Variants in ABCC12 observed in about 807,000 individuals in gnomAD.
ABCC12 encodes the protein ATP-binding cassette sub-family C member 12.
ABCC12 carries 142 observed loss-of-function variants against 151.1 expected under a neutral mutation model. That is an observed-to-expected ratio of 0.94 (90% confidence interval 0.82 to 1.08). The LOEUF (loss-of-function observed/expected upper bound fraction) is 1.08, where lower values mean the gene tolerates loss of function less well. ABCC12 is among the 50% of genes least tolerant of loss of function. ABCC12 has a pLI of 0.00. For synonymous variants in ABCC12, 645 were observed against 646.4 expected (o/e 1.00, Z 0.03); for missense variants, 1,638 against 1,691.1 (o/e 0.97, Z 0.55).
intron 24 of ABCC12, among the ~76,000 whole-genome samples, chr16:48,096,453 G>T (rs1280905840): frequency 2.0e-5 from 3 of 152,210 alleles, no homozygotes; most frequent in African/African-American, 7.2e-5. Context: ...TGCCTCCGTG[G>T]CTGGGCCAGG....
At chr16:48,153,085 A>C (rs1009307707) in intron 2 of ABCC12, among the ~76,000 whole-genome samples, 1 of 152,178 alleles carries the variant, frequency 6.6e-6, no homozygotes, top group Non-Finnish European at 1.5e-5. Flanking sequence ...CTTTTTAATA[A>C]ATTTTCACTC....
chr16:48,130,413 C>T (rs947997313), intron 10 of ABCC12, among the ~76,000 whole-genome samples: 22 of 152,154 alleles, frequency 1.4e-4, no homozygotes, highest in Non-Finnish European at 3.2e-4. Context: ...GTAGGGACCC[C>T]AACATCCTCT....
intron 17 of ABCC12, 30 bp from the exon 18 acceptor site, chr16:48,111,537 T>C (rs371499979): frequency 3.1e-6 from 5 of 1,614,046 alleles, no homozygotes; most frequent in Non-Finnish European, 4.2e-6. Context: ...GAGATCTGTG[T>C]CCATTCAAGC....
At chr16:48,142,707 C>G (rs1197583186) in intron 4 of ABCC12, among the ~76,000 whole-genome samples, 1 of 152,154 alleles carries the variant, frequency 6.6e-6, no homozygotes, top group Non-Finnish European at 1.5e-5. Context: ...AATGCAGCTG[C>G]TGGAAAAAAT....
chr16:48,098,358 T>TA (rs1963182490), intron 23 of ABCC12, among the ~76,000 whole-genome samples: 1 of 152,086 alleles, frequency 6.6e-6, no homozygotes, highest in African/African-American at 2.4e-5. Context: ...CTTAAAGCCC[T>TA]AAGGAGGTAC....
intron 25 of ABCC12, 109 bp from the exon 26 acceptor site, chr16:48,088,843 T>C: frequency 1.1e-6 from 1 of 943,158 alleles, no homozygotes; most frequent in Admixed American, 3.2e-5. Flanking sequence ...TTCATGGTGG[T>C]GAAATAAACC....
At position 48,143,918 on chromosome 16, in the gene ABCC12, A is replaced by G. The variant is rs1432407632; in HGVS notation, c.267T>C (p.Asn89=). 5 of 1,613,338 alleles carry G rather than the reference A, an allele frequency of 3.1e-6. No homozygotes were observed. The highest frequency in any genetic ancestry group is 4.2e-6 in the Non-Finnish European group (5 of 1,179,542). ...PLSTYDSSDT[N]AKRFRVLWDE... ...CAAGCAAATCCTGGTACCTTTTGGC[A>G]TTGGTGTCAGATGAGTCATATGTCG... is the stretch of plus-strand genomic sequence containing the variant. The change falls in exon 4 of 31, where the codon AAT becomes AAC. Residue 89 remains asparagine (N), a synonymous_variant. Coordinates refer to ENST00000311303, the MANE Select transcript of ABCC12 (RefSeq NM_001393797.1).
At chr16:48,088,479 C>T in intron 26 of ABCC12, 66 bp downstream of exon 26, 1 of 1,533,698 alleles carries the variant, frequency 6.5e-7, no homozygotes, top group South Asian at 1.2e-5. Flanking sequence ...TGTGACTTAA[C>T]TAGGACATCC....
intron 23 of ABCC12, among the ~76,000 whole-genome samples, chr16:48,099,014 G>A (rs542106057): frequency 7.7e-4 from 118 of 152,320 alleles, no homozygotes; most frequent in Non-Finnish European, 1.0e-3. Flanking sequence ...ACTAGGGTCC[G>A]GACTAGGTGC....
rs1962468110 is a variant in ABCC12 at position 48,083,989 on chromosome 16, C to T, written c.3913G>A (p.Gly1305Ser). The T allele has an allele frequency of 1.9e-6, 3 of 1,612,876 alleles. No homozygotes were observed. Among genetic ancestry groups the T allele is most frequent in the Non-Finnish European group, 2.5e-6 (3 of 1,179,730 alleles). Reference protein sequence around the residue: ...VQNTIKDAFKGCTVLTIAHRL... With the variant: ...VQNTIKDAFKSCTVLTIAHRL... ...TGGGCGATGGTCAGCACAGTGCAGC[C>T]CTTGAAGGCATCTTTGATGGTGTTC... is the stretch of plus-strand genomic sequence containing the variant. Residue 1305 changes from glycine to serine, a missense_variant, in exon 30 of 31, where the codon GGC becomes AGC. Transcript: ENST00000311303.
At chr16:48,119,615 G>A (rs1005391217) in intron 13 of ABCC12, among the ~76,000 whole-genome samples, 1 of 152,262 alleles carries the variant, frequency 6.6e-6, no homozygotes, top group Non-Finnish European at 1.5e-5. Flanking sequence ...GGCCGGGGAA[G>A]AGGAGGTGAA....
intron 12 of ABCC12, among the ~76,000 whole-genome samples, chr16:48,122,842 G>A (rs543550515): frequency 6.6e-6 from 1 of 152,330 alleles, no homozygotes; most frequent in African/African-American, 2.4e-5. Flanking sequence ...TTATCCTATA[G>A]CCAACTATTG....
chr16:48,111,732 G>C (rs1194673867), intron 16 of ABCC12, 44 bp downstream of exon 16: 1 of 1,613,958 alleles, frequency 6.2e-7, no homozygotes, highest in Non-Finnish European at 8.5e-7. Flanking sequence ...AATCCTGAGG[G>C]ATTCCGCCCC....
chr16:48,106,536 G>T (rs973232556), intron 20 of ABCC12, among the ~76,000 whole-genome samples: 1 of 152,192 alleles, frequency 6.6e-6, no homozygotes, highest in African/African-American at 2.4e-5. Context: ...CGTGAGTGAG[G>T]GGGGATCTGG....
intron 10 of ABCC12, among the ~76,000 whole-genome samples, chr16:48,130,053 G>A (rs1352447230): frequency 6.6e-6 from 1 of 152,186 alleles, no homozygotes; most frequent in Non-Finnish European, 1.5e-5. Context: ...CATGAATCAG[G>A]ATGCTTACGA....
rs1364732873 is a variant in ABCC12, at chr16:48,140,694, A to G, written c.650T>C (p.Val217Ala). Residue 217 changes from valine to alanine, a missense_variant, in exon 6 of 31, where the codon GTT becomes GCT. Physicochemically the swap from Val to Ala is moderately conservative, Grantham distance 64. Coordinates refer to ENST00000311303, the MANE Select transcript of ABCC12 (RefSeq NM_001393797.1). ...TCCTCTGAGCCAGCTTACCTCGCCA[A>G]CAGAGATGTGGGTCAATGTCTTGAA... Reference protein sequence around the residue: ...VSFKTLTHISVGEVLNILSSD... With the variant: ...VSFKTLTHISAGEVLNILSSD... 6.2e-7 allele frequency: 1 copy of G among 1,613,974 alleles called. No homozygotes were observed.
chr16:48,111,307 A>C (rs1963677281), intron 18 of ABCC12, 129 bp downstream of exon 18: 1 of 1,092,728 alleles, frequency 9.2e-7, no homozygotes, highest in Admixed American at 2.2e-5. Context: ...CAAGGCACAC[A>C]GTACCCTAGA....
rs769142462 is a variant in ABCC12 at position 48,088,040 on chromosome 16, G to A, written c.3521C>T (p.Ala1174Val). The A allele has an allele frequency of 6.2e-7, 1 of 1,614,204 alleles. No individual in the cohort carries two copies. Among genetic ancestry groups the A allele is most frequent in the Admixed American group, 1.7e-5 (1 of 60,032 alleles). The change falls in exon 27 of 31, where the codon GCC becomes GTC. Residue 1174 changes from alanine to valine, a missense_variant. Transcript: ENST00000311303. ...GMALFRLVEP[A>V]SGTIFIDEVD... ...CTCATCAATAAAGATTGTGCCACTG[G>A]CTGGCTCCACCAGACGAAACAAAGC...
chr16:48,146,200 G>A (rs942165111), intron 3 of ABCC12, 106 bp downstream of exon 3: 20 of 970,752 alleles, frequency 2.1e-5, no homozygotes, highest in Middle Eastern at 2.3e-4. Flanking sequence ...ACAAAAGGAC[G>A]AGCAGATAGA....
Sources: allele counts gnomAD v4.1 joint callset (sites outside exome capture counted in the v4.1 genomes callset), GRCh38; gene constraint gnomAD v4.1.1; transcripts MANE v1.5; gene names NCBI Gene and HGNC (gene_info 2026-07-23, HGNC 2026-07-21).